Variants in FRMD4A observed in about 807,000 individuals in gnomAD.
The protein encoded by FRMD4A is FERM domain containing 4A.
A neutral mutation model predicts 129.1 loss-of-function variants in FRMD4A; 29 were observed. The ratio of observed to expected loss-of-function variants is 0.22; its 90% confidence interval spans 0.17 to 0.31. The LOEUF (loss-of-function observed/expected upper bound fraction) is 0.31. Among genes scored for constraint, FRMD4A ranks in the 10% least tolerant of loss-of-function variants. The pLI, the probability that FRMD4A is intolerant of heterozygous loss-of-function variation, is 1.00. For missense variants in FRMD4A, 1,272 were observed against 1,375.8 expected, an observed-to-expected ratio of 0.92 and a Z score of 1.19; for synonymous variants, 634 against 571.6, an observed-to-expected ratio of 1.11 and a Z score of -1.56.
chr10:13,982,270 G>A (rs1001087162), intron 2 of FRMD4A, among the ~76,000 whole-genome samples: 4 of 151,964 alleles, frequency 2.6e-5, no homozygotes, highest in African/African-American at 7.3e-5. Context: ...GATCACTTGC[G>A]CCCAGGAGTT....
chr10:13,785,483 A>G (rs1338846015), intron 5 of FRMD4A, among the ~76,000 whole-genome samples: 1 of 152,212 alleles, frequency 6.6e-6, no homozygotes, highest in African/African-American at 2.4e-5. Context: ...GAGGCACAGT[A>G]AAGTTAAACA....
chr10:13,907,554 G>T (rs992050309), intron 2 of FRMD4A, among the ~76,000 whole-genome samples: 2 of 152,180 alleles, frequency 1.3e-5, no homozygotes, highest in Non-Finnish European at 2.9e-5. Flanking sequence ...CCATGTGGCT[G>T]TTGTCTTATT....
intron 2 of FRMD4A, among the ~76,000 whole-genome samples, chr10:14,005,798 C>T (rs76177826): frequency 0.015 from 2,241 of 152,294 alleles, 56 homozygotes; most frequent in African/African-American, 0.052. Context: ...TTAAAACTCT[C>T]CACGCCTTGG....
rs549802177 is a variant in FRMD4A, at chr10:13,775,361, T to C, written c.384+7561A>G. Among the ~76,000 whole-genome samples the C allele has an allele frequency of 1.7e-4, 26 of 152,212 alleles. 1 individual carries two copies. The South Asian group carries it at 5.4e-3, about 32-fold the overall frequency. ...CCCATTGTTGGGGAGCCCAAGGGGG[T>C]GTCACATACAATGGATAGGATGGTG... On this transcript the variant is annotated intron_variant, in intron 6 of 24. Coordinates refer to ENST00000357447, the MANE Select transcript of FRMD4A (RefSeq NM_018027.5).
intron 2 of FRMD4A, among the ~76,000 whole-genome samples, chr10:14,256,578 T>C (rs1844620802): frequency 6.6e-6 from 1 of 152,174 alleles, no homozygotes; most frequent in Admixed American, 6.5e-5. Context: ...TAGAATAAAA[T>C]GGTCATTGAA....
At chr10:14,278,135 G>T (rs1016653564) in intron 2 of FRMD4A, among the ~76,000 whole-genome samples, 7 of 152,124 alleles carry the variant, frequency 4.6e-5, no homozygotes, top group African/African-American at 1.4e-4. Context: ...AGGCTTTCTG[G>T]GTTTGAAACC....
At chr10:13,659,128 C>T (rs931240000) in intron 21 of FRMD4A, among the ~76,000 whole-genome samples, 195 bp downstream of exon 21, 1 of 152,186 alleles carries the variant, frequency 6.6e-6, no homozygotes, top group East Asian at 1.9e-4. Flanking sequence ...TTGGCTGACT[C>T]CAAGTGCCCT....
At chr10:14,093,716 T>C (rs1836785868) in intron 2 of FRMD4A, among the ~76,000 whole-genome samples, 1 of 100,868 alleles carries the variant, frequency 9.9e-6, no homozygotes, top group Non-Finnish European at 2.1e-5. Context: ...TGGCATTTCA[T>C]CATTTAATAG....
chr10:13,815,082 A>C (rs556842939), intron 3 of FRMD4A, among the ~76,000 whole-genome samples: 1 of 152,298 alleles, frequency 6.6e-6, no homozygotes, highest in South Asian at 2.1e-4. Flanking sequence ...TCCCTCATAT[A>C]TGAACTCATT....
intron 2 of FRMD4A, among the ~76,000 whole-genome samples, chr10:14,290,250 A>T (rs931260816): frequency 2.9e-4 from 44 of 152,148 alleles, no homozygotes; most frequent in African/African-American, 9.6e-4. Context: ...GTGGAACTAC[A>T]AATGACCCTG....
intron 2 of FRMD4A, among the ~76,000 whole-genome samples, chr10:14,142,859 A>T (rs1386673074): frequency 6.6e-6 from 1 of 152,260 alleles, no homozygotes; most frequent in African/African-American, 2.4e-5. Context: ...CATTTCTCCA[A>T]AGAAGAAATA....
At chr10:13,681,762 G>C (rs921985300) in intron 15 of FRMD4A, among the ~76,000 whole-genome samples, 3 of 152,132 alleles carry the variant, frequency 2.0e-5, no homozygotes, top group Non-Finnish European at 4.4e-5. Context: ...GTGGGGACTT[G>C]GGAAGGTTGT....
rs1186480819 is a variant in FRMD4A at position 14,305,434 on chromosome 10, C to A, written c.45+24624G>T. Among the ~76,000 whole-genome samples, 3 of 152,134 alleles carry A rather than the reference C, an allele frequency of 2.0e-5. No homozygotes were observed. In the South Asian group the frequency reaches 6.2e-4, roughly 32 times the overall value. ...TCTCTCCCATTAAATATATTTGTAT[C>A]CCCAGTATAACAATGTAACATATAT... On this transcript the variant is annotated intron_variant, in intron 2 of 24. Transcript: ENST00000357447.
chr10:14,330,028 C>G (rs1252124061), intron 2 of FRMD4A, 30 bp downstream of exon 2: 2 of 1,550,996 alleles, frequency 1.3e-6, no homozygotes, highest in Admixed American at 3.9e-5. Context: ...TGGACGCTGC[C>G]CGGGCCCCAC....
chr10:14,230,758 A>T (rs1843611917), intron 2 of FRMD4A, among the ~76,000 whole-genome samples: 1 of 152,176 alleles, frequency 6.6e-6, no homozygotes, highest in African/African-American at 2.4e-5. Flanking sequence ...TCCGATAGGT[A>T]GCTTTTCCGT....
intron 21 of FRMD4A, 152 bp from the exon 22 acceptor site, chr10:13,657,674 GC>G: frequency 8.7e-7 from 1 of 1,153,898 alleles, no homozygotes. Flanking sequence ...CAGCAGGGCT[GC>G]CCCAGGGATC....
chr10:14,040,268 T>C (rs1360869119), intron 2 of FRMD4A, among the ~76,000 whole-genome samples: 2 of 152,064 alleles, frequency 1.3e-5, no homozygotes, highest in Admixed American at 6.6e-5. Context: ...AACAGTCACT[T>C]GCTCCCTGTC....
intron 2 of FRMD4A, among the ~76,000 whole-genome samples, chr10:14,094,677 G>A (rs1011541408): frequency 1.3e-5 from 2 of 152,210 alleles, no homozygotes; most frequent in Non-Finnish European, 2.9e-5. Context: ...TCTCTATTGG[G>A]CATGCAGTTG....
At chr10:13,870,390 G>C (rs530456543) in intron 2 of FRMD4A, among the ~76,000 whole-genome samples, 67 of 152,342 alleles carry the variant, frequency 4.4e-4, no homozygotes, top group African/African-American at 1.6e-3. Flanking sequence ...GGGCCACCTG[G>C]GACTTTTAGA....
Sources: allele counts gnomAD v4.1 joint callset (sites outside exome capture counted in the v4.1 genomes callset), GRCh38; gene constraint gnomAD v4.1.1; transcripts MANE v1.5; gene names NCBI Gene and HGNC (gene_info 2026-07-23, HGNC 2026-07-21).